SYNPR: variants seen among roughly 807,000 people sequenced by gnomAD.
SYNPR encodes synaptoporin.
In SYNPR, 23 loss-of-function variants were observed where a neutral mutation model predicts 32.9. The observed-to-expected ratio is 0.70, with a 90% CI of 0.50 to 0.99. The LOEUF is 0.99. Among genes scored for constraint, SYNPR ranks in the 50% least tolerant of loss-of-function variants. SYNPR has a pLI of 0.00. For missense variants in SYNPR, 318 were observed against 349.3 expected, an observed-to-expected ratio of 0.91 and a Z score of 0.71; for synonymous variants, 146 against 135.9, an observed-to-expected ratio of 1.07 and a Z score of -0.52.
chr3:63,535,989 G>T (rs1345853178), intron 3 of SYNPR, among the ~76,000 whole-genome samples: 3 of 152,018 alleles, frequency 2.0e-5, no homozygotes, highest in Non-Finnish European at 4.4e-5. Flanking sequence ...CTATCAGCCA[G>T]GTGCAGTAGT....
intron 2 of SYNPR, among the ~76,000 whole-genome samples, chr3:63,254,174 G>A (rs7646717): frequency 6.6e-6 from 1 of 151,894 alleles, no homozygotes; most frequent in Non-Finnish European, 1.5e-5. Context: ...GTTGTGGGGT[G>A]GGGGGAGAGG....
At chr3:63,437,286 A>C (rs138207483) in intron 2 of SYNPR, among the ~76,000 whole-genome samples, 2 of 152,256 alleles carry the variant, frequency 1.3e-5, no homozygotes, top group East Asian at 3.9e-4. Flanking sequence ...CATCCTTATT[A>C]TTGTTAGATG....
intron 2 of SYNPR, among the ~76,000 whole-genome samples, chr3:63,479,830 G>A (rs980492273): frequency 3.9e-5 from 6 of 152,172 alleles, no homozygotes; most frequent in African/African-American, 1.4e-4. Context: ...ACATTCCAGA[G>A]CCCTTGACCC....
chr3:63,379,194 G>C (rs2087933234), intron 2 of SYNPR, among the ~76,000 whole-genome samples: 3 of 152,010 alleles, frequency 2.0e-5, no homozygotes, highest in Non-Finnish European at 4.4e-5. Flanking sequence ...AATTTGTTGA[G>C]TTTTGTTTTA....
chr3:63,266,789 T>G (rs1339078623), intron 2 of SYNPR, among the ~76,000 whole-genome samples: 1 of 151,708 alleles, frequency 6.6e-6, no homozygotes, highest in Non-Finnish European at 1.5e-5. Flanking sequence ...AACATGCTGG[T>G]TATATTTATG....
rs576781968 is a variant in SYNPR, at chr3:63,464,932, C to T, written c.85-15900C>T. 2.7e-3 allele frequency among the ~76,000 whole-genome samples: 405 copies of T among 152,290 alleles called. 3 individuals carry two copies. The highest frequency in any genetic ancestry group is 9.0e-3 in the African/African-American group (373 of 41,572). ...ACAGAATCACTAGATGGCTCCATCC[C>T]TGCAGTCTCTTCTGCAGTGCTGGAG... On this transcript the variant is annotated intron_variant, in intron 2 of 5. Coordinates refer to ENST00000478300, the MANE Select transcript of SYNPR (RefSeq NM_001130003.2).
intron 2 of SYNPR, among the ~76,000 whole-genome samples, chr3:63,401,465 A>T (rs1057294556): frequency 5.3e-5 from 8 of 152,342 alleles, no homozygotes; most frequent in Non-Finnish European, 1.0e-4. Flanking sequence ...ATCACAGGAC[A>T]TCAGTGGTCA....
intron 2 of SYNPR, among the ~76,000 whole-genome samples, chr3:63,411,368 T>TA (rs2088462618): frequency 6.6e-6 from 1 of 152,122 alleles, no homozygotes; most frequent in Non-Finnish European, 1.5e-5. Context: ...ACAGAGCACA[T>TA]ACTGCATGCC....
At chr3:63,605,778 G>A (rs1700109119) in intron 4 of SYNPR, among the ~76,000 whole-genome samples, 1 of 152,246 alleles carries the variant, frequency 6.6e-6, no homozygotes, top group Non-Finnish European at 1.5e-5. Flanking sequence ...AAGGAGCCAT[G>A]TGGGTCCCAA....
chr3:63,463,288 A>G (rs1179826879), intron 2 of SYNPR, among the ~76,000 whole-genome samples: 2 of 152,092 alleles, frequency 1.3e-5, no homozygotes, highest in Non-Finnish European at 2.9e-5. Flanking sequence ...CAGATCCTGG[A>G]TTTTCTTAAT....
chr3:63,317,555 C>T (rs567159769), intron 2 of SYNPR, among the ~76,000 whole-genome samples: 1 of 151,992 alleles, frequency 6.6e-6, no homozygotes. Context: ...TGGCTACCCC[C>T]TGCTCACTTT....
chr3:63,572,867 T>G (rs1702913237), intron 4 of SYNPR, among the ~76,000 whole-genome samples: 1 of 152,280 alleles, frequency 6.6e-6, no homozygotes, highest in African/African-American at 2.4e-5. Flanking sequence ...TTCTCATTTT[T>G]AATAAGTATT....
intron 1 of SYNPR, among the ~76,000 whole-genome samples, chr3:63,251,335 T>C (rs2086329507): frequency 6.6e-6 from 1 of 150,416 alleles, no homozygotes; most frequent in African/African-American, 2.5e-5. Context: ...AAAAAAAAAA[T>C]CCCTGGGTTG....
At chr3:63,588,991 A>C (rs1350888896) in intron 4 of SYNPR, among the ~76,000 whole-genome samples, 1 of 152,064 alleles carries the variant, frequency 6.6e-6, no homozygotes, top group Non-Finnish European at 1.5e-5. Flanking sequence ...CTCTCCAGCA[A>C]ATAGCCCAAG....
intron 2 of SYNPR, among the ~76,000 whole-genome samples, chr3:63,257,984 A>T (rs1475995575): frequency 6.6e-6 from 1 of 152,226 alleles, no homozygotes; most frequent in Non-Finnish European, 1.5e-5. Context: ...AGGCCATTAC[A>T]TAATGGTAAA....
chr3:63,204,525 G>A, the SYNPR span, among the ~76,000 whole-genome samples: 1 of 152,200 alleles, frequency 6.6e-6, no homozygotes, highest in East Asian at 1.9e-4. Flanking sequence ...TGAGGTACTG[G>A]GGGTTAGGAC....
At chr3:63,333,127 T>C (rs1482165850) in intron 2 of SYNPR, among the ~76,000 whole-genome samples, 1 of 152,174 alleles carries the variant, frequency 6.6e-6, no homozygotes, top group Non-Finnish European at 1.5e-5. Context: ...GTTTTTTTTC[T>C]TAAATTTTGA....
chr3:63,207,303 T>C, the SYNPR span, among the ~76,000 whole-genome samples: 1 of 152,194 alleles, frequency 6.6e-6, no homozygotes, highest in Non-Finnish European at 1.5e-5. Context: ...TTAATTTTCC[T>C]CTATAAAGCA....
intron 3 of SYNPR, among the ~76,000 whole-genome samples, chr3:63,513,184 A>G (rs541235650): frequency 2.3e-4 from 30 of 131,812 alleles, no homozygotes; most frequent in Non-Finnish European, 4.0e-4. Context: ...CCTACACATA[A>G]GGAGAATTTG....
Sources: gnomAD v4.1 joint callset for allele counts (sites outside exome capture counted in the v4.1 genomes callset) on GRCh38, gnomAD v4.1.1 for gene constraint, MANE v1.5 for transcripts, NCBI Gene and HGNC (gene_info 2026-07-23, HGNC 2026-07-21) for gene names.